ZNF514: variants seen among roughly 807,000 people sequenced by gnomAD.
ZNF514 encodes zinc finger protein 514.
Under a neutral mutation model 9.7 loss-of-function variants are expected in ZNF514, and 12 were observed. That is an observed-to-expected ratio of 1.24 (90% confidence interval 0.79 to 2.01). The LOEUF is 2.01. ZNF514 is among the 30% of genes most tolerant of loss of function. ZNF514 has a pLI of 0.00. For missense variants in ZNF514, 467 were observed against 465.5 expected (o/e 1.00, Z -0.03); for synonymous variants, 158 against 163.7 (o/e 0.97, Z 0.27).
At chr2:95,128,041 G>A in the ZNF514 span, among the ~76,000 whole-genome samples, 1 of 152,184 alleles carries the variant, frequency 6.6e-6, no homozygotes, top group African/African-American at 2.4e-5. Flanking sequence ...GAGTCTGGGA[G>A]TTCAAGACCA....
chr2:95,126,275 GCAGGAGAATCACCTGAACC>G, the ZNF514 span, among the ~76,000 whole-genome samples: 1 of 149,708 alleles, frequency 6.7e-6, no homozygotes, highest in Non-Finnish European at 1.5e-5. Context: ...GGAGGCTGAG[GCAGGAGAATCACCTGAACC>G]CAGGAGGTAG....
the ZNF514 span, among the ~76,000 whole-genome samples, chr2:95,136,420 T>A: frequency 6.6e-6 from 1 of 152,034 alleles, no homozygotes; most frequent in Non-Finnish European, 1.5e-5. Context: ...GCTATTTTTT[T>A]ATTTTTAGTA....
chr2:95,127,593 T>C, the ZNF514 span, among the ~76,000 whole-genome samples: 1 of 151,964 alleles, frequency 6.6e-6, no homozygotes, highest in Non-Finnish European at 1.5e-5. Context: ...TTTTTTGTTT[T>C]TGTTTTTGTT....
chr2:95,158,755 G>C (rs1442275218), intron 1 of ZNF514: 11 of 1,147,538 alleles, frequency 9.6e-6, no homozygotes, highest in Non-Finnish European at 1.2e-5. Flanking sequence ...CCTCCGCCAC[G>C]GTCATCTAGA....
downstream of ZNF514, among the ~76,000 whole-genome samples, chr2:95,142,520 A>G (rs1328398670): frequency 1.3e-5 from 2 of 152,220 alleles, no homozygotes; most frequent in African/African-American, 2.4e-5. Context: ...TCCAATTTTG[A>G]GCCATGAAAC....
chr2:95,131,271 T>A, the ZNF514 span, among the ~76,000 whole-genome samples: 1 of 152,190 alleles, frequency 6.6e-6, no homozygotes, highest in African/African-American at 2.4e-5. Context: ...TCCTCATGGA[T>A]AAGAATCAAG....
At chr2:95,128,770 AAG>A in the ZNF514 span, among the ~76,000 whole-genome samples, 4 of 148,160 alleles carry the variant, frequency 2.7e-5, no homozygotes, top group Non-Finnish European at 6.0e-5. Context: ...AAGAGGGAGA[AAG>A]AGAAGGAGGA....
chr2:95,128,390 CA>C, the ZNF514 span, among the ~76,000 whole-genome samples: 279 of 81,268 alleles, frequency 3.4e-3, no homozygotes, highest in Middle Eastern at 6.8e-3. Flanking sequence ...GGCTTCGTCT[CA>C]AAAAAAAAAA....
the ZNF514 span, among the ~76,000 whole-genome samples, chr2:95,128,786 AGAGGAG>A: frequency 2.0e-5 from 3 of 149,880 alleles, no homozygotes; most frequent in South Asian, 2.1e-4. Flanking sequence ...AGGAGGAGGA[AGAGGAG>A]GAGGAGGAGG....
chr2:95,131,191 T>G, the ZNF514 span, among the ~76,000 whole-genome samples: 1 of 152,208 alleles, frequency 6.6e-6, no homozygotes, highest in Non-Finnish European at 1.5e-5. Context: ...TAATATGGAC[T>G]GCTGCCTTGA....
the ZNF514 span, among the ~76,000 whole-genome samples, chr2:95,137,179 C>T: frequency 6.6e-6 from 1 of 152,096 alleles, no homozygotes; most frequent in African/African-American, 2.4e-5. Flanking sequence ...AGCTGATTAC[C>T]ACGCCAAAGA....
intron 4 of ZNF514, among the ~76,000 whole-genome samples, chr2:95,150,710 G>C (rs1673514592): frequency 6.6e-6 from 1 of 152,142 alleles, no homozygotes; most frequent in African/African-American, 2.4e-5. Flanking sequence ...CCTACCTCCA[G>C]GTTTCCTGAA....
chr2:95,126,130 G>T, the ZNF514 span, among the ~76,000 whole-genome samples: 1 of 152,100 alleles, frequency 6.6e-6, no homozygotes, highest in East Asian at 1.9e-4. Flanking sequence ...CAGCACTTTG[G>T]GAGGCCAAGG....
chr2:95,139,226 G>A, the ZNF514 span, among the ~76,000 whole-genome samples: 1 of 152,214 alleles, frequency 6.6e-6, no homozygotes, highest in Non-Finnish European at 1.5e-5. Flanking sequence ...CAGTGTCAAG[G>A]GGAAATGTGG....
the ZNF514 span, among the ~76,000 whole-genome samples, chr2:95,125,175 A>G: frequency 7.3e-5 from 11 of 151,222 alleles, 1 homozygote; most frequent in Admixed American, 5.3e-4. Context: ...CACTGTGCCC[A>G]GCCAGAAATT....
At position 95,147,552 on chromosome 2, in the gene ZNF514, A is replaced by C. The variant is rs1673391180; in HGVS notation, c.*1730T>G. 6.6e-6 allele frequency: 1 copy of C among 152,144 alleles called. No individual in the cohort carries two copies. Among genetic ancestry groups the C allele is most frequent in the South Asian group, 2.1e-4 (1 of 4,832 alleles). 9.4% of individuals were successfully genotyped at this position (152,144 alleles called of 1,614,324 possible). On this transcript the variant is annotated 3_prime_UTR_variant, in exon 5 of 5. Transcript: ENST00000295208. ...GGACATTTCCTAAAATGGTACTAGA[A>C]AATACCTGGTCTCTGGCATCTGCCT...
Position 95,149,844 on chromosome 2 carries a change from T to A in ZNF514, c.641A>T (p.His214Leu). The change falls in exon 5 of 5, where the codon CAC becomes CTC. Residue 214 changes from histidine to leucine, a missense_variant. Coordinates refer to ENST00000295208, the MANE Select transcript of ZNF514 (RefSeq NM_032788.3). ...ATGGCGCCTAAGTTCTGACTGGAAG[T>A]GAAAGGACTTCCCACACTCATTACA... ...CKCNECGKSFHFQSELRRHQR... is the reference protein window; with the variant it reads ...CKCNECGKSFLFQSELRRHQR... 2 of 1,614,238 alleles carry A rather than the reference T, an allele frequency of 1.2e-6. No individual in the cohort carries two copies. Among genetic ancestry groups the A allele is most frequent in the African/African-American group, 2.7e-5 (2 of 75,070 alleles).
rs1326271617 is a variant in ZNF514, at chr2:95,149,554, T to C, written c.931A>G (p.Thr311Ala). The C allele has an allele frequency of 2.5e-6, 4 of 1,613,348 alleles. No homozygotes were observed. Among genetic ancestry groups the C allele is most frequent in the Middle Eastern group, 3.3e-4 (2 of 6,058 alleles). Reference protein sequence around the residue: ...SSLIKHQRTHTGEKPYECREC... With the variant: ...SSLIKHQRTHAGEKPYECREC... ...CGGCATTCATAGGGCTTTTCTCCAG[T>C]ATGAGTCCTCTGATGCTTAATAAGG... Residue 311 changes from threonine to alanine, a missense_variant, in exon 5 of 5, where the codon ACT becomes GCT. By Grantham distance (58) the Thr-to-Ala change is moderately conservative (BLOSUM62 0). Coordinates refer to ENST00000295208, the MANE Select transcript of ZNF514 (RefSeq NM_032788.3).
At chr2:95,153,866 A>G (rs1204584978) in intron 2 of ZNF514, 1 of 152,238 alleles carries the variant, frequency 6.6e-6, no homozygotes. Context: ...TTGTATGGCA[A>G]TCCACTAAAG....
Sources: allele counts gnomAD v4.1 joint callset (sites outside exome capture counted in the v4.1 genomes callset), GRCh38; gene constraint gnomAD v4.1.1; transcripts MANE v1.5; gene names NCBI Gene and HGNC (gene_info 2026-07-23, HGNC 2026-07-21).